Variants in MTUS1 observed in about 807,000 individuals in gnomAD.
MTUS1 encodes the protein microtubule associated scaffold protein 1.
In MTUS1, 109 loss-of-function variants were observed where a neutral mutation model predicts 120.8. The ratio of observed to expected loss-of-function variants is 0.90; its 90% CI spans 0.77 to 1.06. The LOEUF (loss-of-function observed/expected upper bound fraction) is 1.06, where lower values mean the gene tolerates loss of function less well. Among genes scored for constraint, MTUS1 ranks in the 50% least tolerant of loss-of-function variants. The pLI, the probability that MTUS1 is intolerant of heterozygous loss-of-function variation, is 0.00. For missense variants in MTUS1, 2,210 were observed against 1,486.3 expected, an observed-to-expected ratio of 1.49 and a Z score of -8.01; for synonymous variants, 737 against 550.5, an observed-to-expected ratio of 1.34 and a Z score of -4.74.
At chr8:17,783,467 G>A (rs1340313680) in intron 1 of MTUS1, among the ~76,000 whole-genome samples, 1 of 152,198 alleles carries the variant, frequency 6.6e-6, no homozygotes, top group Non-Finnish European at 1.5e-5. Context: ...GGAAGAGGGA[G>A]CATACCAGGC....
intron 1 of MTUS1, among the ~76,000 whole-genome samples, chr8:17,787,204 G>C (rs1380199319): frequency 6.6e-6 from 1 of 152,220 alleles, no homozygotes; most frequent in Non-Finnish European, 1.5e-5. Context: ...GCCAGGATGA[G>C]GAACAGGCCA....
At chr8:17,706,857 A>AC (rs1820272992) in intron 6 of MTUS1, among the ~76,000 whole-genome samples, 1 of 152,240 alleles carries the variant, frequency 6.6e-6, no homozygotes. Context: ...AGCAGGATAT[A>AC]CACTTATCTA....
intron 7 of MTUS1, among the ~76,000 whole-genome samples, chr8:17,680,067 C>G (rs1461942457): frequency 6.6e-6 from 1 of 152,062 alleles, no homozygotes; most frequent in Non-Finnish European, 1.5e-5. Context: ...AAGCATTAAA[C>G]CGGTATCTCT....
At chr8:17,769,285 T>C (rs1206445760) in intron 1 of MTUS1, among the ~76,000 whole-genome samples, 1 of 146,472 alleles carries the variant, frequency 6.8e-6, no homozygotes. Context: ...CAAACCAGCA[T>C]GTGGAAGACC....
At chr8:17,784,442 C>G (rs1033258928) in intron 1 of MTUS1, among the ~76,000 whole-genome samples, 1 of 151,920 alleles carries the variant, frequency 6.6e-6, no homozygotes, top group African/African-American at 2.4e-5. Context: ...ATTACAGGTG[C>G]GCACCACCAT....
chr8:17,756,019 CTTGGTTTCAATCACTAAGTGA>C, intron 1 of MTUS1, 58 bp from the exon 2 acceptor site: 1 of 1,148,342 alleles, frequency 8.7e-7, no homozygotes, highest in Non-Finnish European at 1.2e-6. Context: ...CAGGCCACCC[CTTGGTTTCAATCACTAAGTGA>C]TTAGTTTCAA....
intron 6 of MTUS1, among the ~76,000 whole-genome samples, chr8:17,700,378 G>C (rs1818809154): frequency 6.9e-6 from 1 of 144,254 alleles, no homozygotes; most frequent in Non-Finnish European, 1.5e-5. Context: ...GCTGAGGCAG[G>C]AGAACCGCTT....
chr8:17,721,714 T>G, intron 4 of MTUS1: 1 of 1,556,580 alleles, frequency 6.4e-7, no homozygotes, highest in Non-Finnish European at 8.7e-7. Flanking sequence ...CGACCTACTT[T>G]TTTTCCCAGT....
At chr8:17,728,638 A>G (rs778375889) in intron 3 of MTUS1, among the ~76,000 whole-genome samples, 1 of 152,224 alleles carries the variant, frequency 6.6e-6, no homozygotes, top group Non-Finnish European at 1.5e-5. Context: ...TAGTTTATAC[A>G]GCTTAGTAGG....
chr8:17,722,385 A>G (rs2045912202), intron 4 of MTUS1: 1 of 982,710 alleles, frequency 1.0e-6, no homozygotes, highest in African/African-American at 1.7e-5. Context: ...GCTTTGCAAG[A>G]CAAAGAGAGC....
Position 17,723,801 on chromosome 8 carries a change from A to G in MTUS1, c.2320T>C (p.Ser774Pro). The part of the protein sequence containing the change: ...KPTSLKTAQS[S>P]WVNLPRPLPK... ...AGTGGTCTAGGCAAATTCACCCATGACGACTGTGCAGTTTTCAAGGATGTA... is the reference window on the plus strand; with the variant it reads ...AGTGGTCTAGGCAAATTCACCCATGGCGACTGTGCAGTTTTCAAGGATGTA... The change falls in exon 4 of 15, where the codon TCA (serine) becomes CCA (proline). Residue 774 changes from serine (S) to proline (P), a missense_variant. Physicochemically the swap from Ser to Pro is moderately conservative, Grantham distance 74. Coordinates refer to ENST00000693296, the MANE Select transcript of MTUS1 (RefSeq NM_001363059.2). 1.2e-6 allele frequency: 2 copies of G among 1,603,350 alleles called. No individual in the cohort carries two copies. Among genetic ancestry groups the G allele is most frequent in the Non-Finnish European group, 1.7e-6 (2 of 1,174,328 alleles).
chr8:17,646,871 T>G, intron 14 of MTUS1, 111 bp downstream of exon 14: 1 of 737,474 alleles, frequency 1.4e-6, no homozygotes, highest in Non-Finnish European at 2.4e-6. Context: ...CTTTTAACCA[T>G]CTGCTTCCAT....
intron 2 of MTUS1, among the ~76,000 whole-genome samples, chr8:17,749,945 C>T (rs2048061017): frequency 6.7e-6 from 1 of 149,738 alleles, no homozygotes. Flanking sequence ...CAGAGTTTGA[C>T]CCTTTTTTTG....
At chr8:17,649,605 T>C (rs1353471247) in intron 13 of MTUS1, among the ~76,000 whole-genome samples, 2 of 152,222 alleles carry the variant, frequency 1.3e-5, no homozygotes, top group Non-Finnish European at 2.9e-5. Context: ...CTGATTTGTT[T>C]GTAGTTTTTC....
rs573700987 is a variant in MTUS1, at chr8:17,650,063, G to A, written c.3385-101C>T. 2.0e-3 allele frequency: 1,496 copies of A among 756,122 alleles called. 1 individual carries two copies. The highest frequency in any genetic ancestry group is 2.9e-3 in the Non-Finnish European group (1,225 of 425,162). 46.8% of individuals were successfully genotyped at this position (756,122 alleles called of 1,614,324 possible). A position where few individuals can be genotyped will look rare whatever the true frequency, so the allele number is the denominator to read the frequency against. On this transcript the variant is annotated intron_variant, in intron 12 of 14. Transcript: ENST00000693296. ...TTGAGACATTAGACAAGTAGCAAGCGACAGATGTTCATCATCTTAGAGCAA... is the reference window on the plus strand; with the variant it reads ...TTGAGACATTAGACAAGTAGCAAGCAACAGATGTTCATCATCTTAGAGCAA...
intron 4 of MTUS1, 120 bp downstream of exon 4, chr8:17,723,552 G>T: frequency 1.0e-6 from 1 of 992,974 alleles, no homozygotes. Context: ...CTCCAAGGAA[G>T]CAGTATGCCT....
chr8:17,779,331 T>C (rs1010402675), intron 1 of MTUS1, among the ~76,000 whole-genome samples: 3 of 152,186 alleles, frequency 2.0e-5, no homozygotes, highest in African/African-American at 4.8e-5. Context: ...GGAGACGTAA[T>C]GATGTGTTTT....
chr8:17,675,375 G>T, intron 7 of MTUS1, 123 bp from the exon 8 acceptor site: 1 of 719,612 alleles, frequency 1.4e-6, no homozygotes. Context: ...AATCATTTAG[G>T]CTAACAATTT....
intron 3 of MTUS1, among the ~76,000 whole-genome samples, chr8:17,739,646 ATTAT>A (rs1291402053): frequency 6.6e-6 from 1 of 152,176 alleles, no homozygotes; most frequent in Non-Finnish European, 1.5e-5. Context: ...CATTGGACAA[ATTAT>A]TTAACTTTTC....
Sources: gnomAD v4.1 joint callset for allele counts (sites outside exome capture counted in the v4.1 genomes callset) on GRCh38, gnomAD v4.1.1 for gene constraint, MANE v1.5 for transcripts, NCBI Gene and HGNC (gene_info 2026-07-23, HGNC 2026-07-21) for gene names.